LOC400499: variants seen among roughly 807,000 people sequenced by gnomAD.
chr16:11,526,989 G>T, the LOC400499 span, among the ~76,000 whole-genome samples: 2 of 152,204 alleles, frequency 1.3e-5, no homozygotes, highest in Non-Finnish European at 2.9e-5. Flanking sequence ...CAAAACAAAA[G>T]GTGGCAGCGG....
At chr16:11,437,477 G>A in the LOC400499 span, among the ~76,000 whole-genome samples, 31 of 152,304 alleles carry the variant, frequency 2.0e-4, no homozygotes, top group African/African-American at 6.5e-4. Context: ...AAGGATGGCT[G>A]GAGCCTGGGT....
chr16:11,456,575 T>C, the LOC400499 span, among the ~76,000 whole-genome samples: 752 of 152,216 alleles, frequency 4.9e-3, 4 homozygotes, highest in African/African-American at 0.017. Flanking sequence ...ACGGCACTCA[T>C]TAAAGATAAG....
At chr16:11,447,963 C>T in the LOC400499 span, 3 of 1,535,992 alleles carry the variant, frequency 2.0e-6, no homozygotes, top group South Asian at 1.2e-5. Flanking sequence ...GTTTCCGGTA[C>T]AATGTCCTGT....
At chr16:11,493,719 T>G in the LOC400499 span, 131 of 395,956 alleles carry the variant, frequency 3.3e-4, no homozygotes, top group Non-Finnish European at 3.7e-4. Flanking sequence ...TTCTCAGAGA[T>G]GCACAGGCAC....
At chr16:11,378,844 T>A in the LOC400499 span, among the ~76,000 whole-genome samples, 1 of 152,260 alleles carries the variant, frequency 6.6e-6, no homozygotes, top group Non-Finnish European at 1.5e-5. Context: ...ACGTGTACTT[T>A]TGAAGAATGT....
chr16:11,463,992 T>A, the LOC400499 span, among the ~76,000 whole-genome samples: 13 of 152,144 alleles, frequency 8.5e-5, no homozygotes, highest in Non-Finnish European at 1.9e-4. Flanking sequence ...GATGTGTGTA[T>A]ATGAATGTGC....
the LOC400499 span, chr16:11,459,965 C>G: frequency 1.3e-6 from 2 of 1,515,308 alleles, no homozygotes; most frequent in African/African-American, 1.4e-5. Context: ...GGAGATGCCT[C>G]TTGTTGCTGT....
At chr16:11,450,784 G>A in the LOC400499 span, 2 of 1,535,922 alleles carry the variant, frequency 1.3e-6, no homozygotes, top group Non-Finnish European at 1.7e-6. Context: ...GTGAGCTGCA[G>A]AGACCATCAG....
the LOC400499 span, chr16:11,383,874 G>A: frequency 2.4e-6 from 3 of 1,232,180 alleles, no homozygotes; most frequent in Non-Finnish European, 3.0e-6. Flanking sequence ...CATGGGCCAG[G>A]CTCACACTCA....
At chr16:11,445,421 C>T in the LOC400499 span, among the ~76,000 whole-genome samples, 1 of 136,232 alleles carries the variant, frequency 7.3e-6, no homozygotes, top group Non-Finnish European at 1.6e-5. Flanking sequence ...ACTCTTTCTC[C>T]AAAAAAAAAA....
the LOC400499 span, chr16:11,473,197 G>C: frequency 6.6e-6 from 1 of 151,608 alleles, no homozygotes; most frequent in African/African-American, 2.4e-5. Flanking sequence ...AGCTCAGAAA[G>C]ATTTCTAAAA....
At chr16:11,496,978 T>C in the LOC400499 span, among the ~76,000 whole-genome samples, 11 of 151,642 alleles carry the variant, frequency 7.3e-5, no homozygotes, top group Non-Finnish European at 1.5e-4. Context: ...CATTTCCCCA[T>C]GTGGGTGTCC....
At chr16:11,434,019 T>A in the LOC400499 span, among the ~76,000 whole-genome samples, 1 of 152,128 alleles carries the variant, frequency 6.6e-6, no homozygotes, top group Non-Finnish European at 1.5e-5. Context: ...TACAGCCAGT[T>A]GGTCAGGAGG....
chr16:11,463,001 G>C, the LOC400499 span, among the ~76,000 whole-genome samples: 1 of 152,078 alleles, frequency 6.6e-6, no homozygotes, highest in Non-Finnish European at 1.5e-5. Flanking sequence ...ATCTCCACAC[G>C]GCAACCAGAC....
chr16:11,383,803 G>C, the LOC400499 span: 2 of 1,232,254 alleles, frequency 1.6e-6, no homozygotes, highest in African/African-American at 1.5e-5. Context: ...GGGACACCGA[G>C]TCACTGTCCA....
At chr16:11,392,543 C>T in the LOC400499 span, 3 of 399,466 alleles carry the variant, frequency 7.5e-6, no homozygotes, top group Admixed American at 8.8e-5. Context: ...CACCATGTCT[C>T]TGGCTGCCCA....
the LOC400499 span, chr16:11,460,027 C>A: frequency 1.2e-4 from 175 of 1,471,436 alleles, 1 homozygote; most frequent in African/African-American, 7.4e-4. Flanking sequence ...TGCAGGTGGC[C>A]CGAGTCCTCC....
the LOC400499 span, among the ~76,000 whole-genome samples, chr16:11,497,094 G>A: frequency 1.3e-5 from 2 of 152,246 alleles, no homozygotes; most frequent in East Asian, 3.9e-4. Context: ...GTGTGTCCCT[G>A]TGCCTTGGTG....
At chr16:11,447,992 G>A in the LOC400499 span, 2 of 1,535,950 alleles carry the variant, frequency 1.3e-6, no homozygotes, top group Admixed American at 2.0e-5. Context: ...AGCTCCTCCA[G>A]CTCTCCTTCC....
Sources: allele counts gnomAD v4.1 joint callset (sites outside exome capture counted in the v4.1 genomes callset), GRCh38; gene constraint gnomAD v4.1.1; transcripts MANE v1.5.